BARX2: variants seen among roughly 807,000 people sequenced by gnomAD.
BARX2 encodes the protein homeobox protein BarH-like 2.
In BARX2, 11 loss-of-function variants were observed where a neutral mutation model predicts 25.5. The ratio of observed to expected loss-of-function variants is 0.43; its 90% CI spans 0.27 to 0.71. The LOEUF is 0.71. Ranked by LOEUF, BARX2 falls within the 30% of genes least tolerant of loss-of-function variation. The pLI is 0.19. For synonymous variants in BARX2, 137 were observed against 149.5 expected (o/e 0.92, Z 0.61); for missense variants, 360 against 359.9 (o/e 1.00, Z 0.00).
chr11:129,440,321 C>G (rs938806027), intron 2 of BARX2, among the ~76,000 whole-genome samples: 7 of 152,262 alleles, frequency 4.6e-5, no homozygotes, highest in Non-Finnish European at 1.0e-4. Context: ...AATGCAGTTG[C>G]AGAGCTGTGA....
chr11:129,446,505 T>C (rs1223505098), intron 3 of BARX2, among the ~76,000 whole-genome samples: 1 of 152,168 alleles, frequency 6.6e-6, no homozygotes, highest in African/African-American at 2.4e-5. Context: ...AACACGTAAA[T>C]AGGACCTGCC....
rs553829034 is a variant in BARX2 at position 129,434,943 on chromosome 11, A to G, written c.188-1808A>G. On this transcript the variant is annotated intron_variant, in intron 1 of 3. Coordinates refer to ENST00000281437, the MANE Select transcript of BARX2 (RefSeq NM_003658.5). The stretch of plus-strand genomic sequence containing the variant: ...AAAGGTGATACAAAGCCTTCCTTAC[A>G]GGTGGATTGTTAGTCATTTCCTATA... Among the ~76,000 whole-genome samples the G allele has an allele frequency of 9.8e-5, 15 of 152,368 alleles. No homozygotes were observed. In the South Asian group the frequency reaches 3.1e-3, roughly 32 times the overall value.
intron 3 of BARX2, among the ~76,000 whole-genome samples, chr11:129,444,226 G>GA (rs1164667307): frequency 9.8e-5 from 14 of 143,518 alleles, no homozygotes; most frequent in Non-Finnish European, 1.2e-4. Context: ...ACAATGAGGA[G>GA]AAAAAAAAAA....
intron 1 of BARX2, among the ~76,000 whole-genome samples, chr11:129,401,955 C>CAA (rs397825103): frequency 1.1e-4 from 12 of 104,720 alleles, no homozygotes; most frequent in South Asian, 8.8e-4. Flanking sequence ...GACTCTGTCT[C>CAA]AAAAAAAAAA....
chr11:129,394,935 ATT>A (rs33959182), intron 1 of BARX2, among the ~76,000 whole-genome samples: 3 of 144,790 alleles, frequency 2.1e-5, no homozygotes, highest in Non-Finnish European at 3.0e-5. Flanking sequence ...TCCACTCAGC[ATT>A]TTTTTTTTTT....
At chr11:129,382,599 A>G (rs1473157345) in intron 1 of BARX2, among the ~76,000 whole-genome samples, 1 of 151,070 alleles carries the variant, frequency 6.6e-6, no homozygotes, top group Non-Finnish European at 1.5e-5. Context: ...GTCTATGGCT[A>G]AGCCCATTGA....
intron 1 of BARX2, among the ~76,000 whole-genome samples, chr11:129,388,294 G>A (rs1456659327): frequency 1.3e-5 from 2 of 152,072 alleles, no homozygotes; most frequent in Non-Finnish European, 2.9e-5. Flanking sequence ...TCCAAGAGGC[G>A]GTGGGGTTTT....
intron 1 of BARX2, among the ~76,000 whole-genome samples, chr11:129,391,157 A>G (rs1861662171): frequency 6.6e-6 from 1 of 152,178 alleles, no homozygotes; most frequent in African/African-American, 2.4e-5. Flanking sequence ...GTTTCCACAG[A>G]AAGCTAGACC....
intron 2 of BARX2, among the ~76,000 whole-genome samples, chr11:129,442,550 AG>A (rs1363550598): frequency 1.3e-5 from 2 of 152,218 alleles, no homozygotes; most frequent in Non-Finnish European, 2.9e-5. Context: ...TGTGATGAGA[AG>A]CCCCAGGCAT....
At chr11:129,426,234 AG>A in intron 1 of BARX2, among the ~76,000 whole-genome samples, 1 of 152,094 alleles carries the variant, frequency 6.6e-6, no homozygotes, top group African/African-American at 2.4e-5. Context: ...CCTCTCTCCT[AG>A]GCTTACAGAT....
At chr11:129,403,886 A>G (rs1221051106) in intron 1 of BARX2, among the ~76,000 whole-genome samples, 1 of 152,068 alleles carries the variant, frequency 6.6e-6, no homozygotes, top group Non-Finnish European at 1.5e-5. Flanking sequence ...TGCCATGCCC[A>G]GCTAATTTTT....
At chr11:129,446,111 T>A (rs920025851) in intron 3 of BARX2, among the ~76,000 whole-genome samples, 1 of 152,130 alleles carries the variant, frequency 6.6e-6, no homozygotes, top group Non-Finnish European at 1.5e-5. Context: ...ATCTTGCATA[T>A]TTAAGATGGG....
intron 1 of BARX2, among the ~76,000 whole-genome samples, chr11:129,397,455 C>G (rs1861731774): frequency 6.6e-6 from 1 of 152,110 alleles, no homozygotes; most frequent in Admixed American, 6.6e-5. Context: ...ACAAGTTTAT[C>G]AAATACTTAG....
At chr11:129,439,206 C>T (rs1006985250) in intron 2 of BARX2, among the ~76,000 whole-genome samples, 1 of 152,042 alleles carries the variant, frequency 6.6e-6, no homozygotes, top group Non-Finnish European at 1.5e-5. Flanking sequence ...GGAGAGAATC[C>T]AGTGATCATC....
At chr11:129,410,318 T>C (rs1318878254) in intron 1 of BARX2, among the ~76,000 whole-genome samples, 2 of 152,268 alleles carry the variant, frequency 1.3e-5, no homozygotes, top group African/African-American at 2.4e-5. Context: ...GTTTCCTTTT[T>C]GAAATCACAT....
At position 129,451,280 on chromosome 11, in the gene BARX2, C is replaced by T; in HGVS notation, c.718C>T (p.Gln240Ter). The change falls in exon 4 of 4, where the codon CAG (glutamine) becomes TAG (stop). Residue 240 changes from glutamine to a stop codon, truncating the protein, a stop_gained. Transcript: ENST00000281437. LOFTEE classifies it low-confidence loss of function (END_TRUNC). ...GQEQLEPSQG[Q>*]EELCEAQEPK... ...GGAGCAGCTGGAGCCCTCTCAGGGG[C>T]AGGAGGAGCTCTGTGAAGCACAGGA... 3 of 1,614,162 alleles carry T rather than the reference C, an allele frequency of 1.9e-6. No individual in the cohort carries two copies. Among genetic ancestry groups the T allele is most frequent in the Non-Finnish European group, 2.5e-6 (3 of 1,180,036 alleles).
At position 129,436,625 on chromosome 11, in the gene BARX2, A is replaced by G. The variant is rs768661147; in HGVS notation, c.188-126A>G. 85 of 1,067,050 alleles carry G rather than the reference A, an allele frequency of 8.0e-5. No homozygotes were observed. Among genetic ancestry groups the G allele is most frequent in the Non-Finnish European group, 1.1e-4 (81 of 746,094 alleles). 66.1% of individuals were successfully genotyped at this position (1,067,050 alleles called of 1,614,324 possible). ...AGTTACCTCTCCTTCCCCTTCCTCC[A>G]TCTGTACCTCCTTAAGAGCAGGGCC... On this transcript the variant is annotated intron_variant, in intron 1 of 3. Coordinates refer to ENST00000281437, the MANE Select transcript of BARX2 (RefSeq NM_003658.5). This position sits in a 1 kb window ranked among gnomAD's most constrained non-coding sequence, Gnocchi z 4.5.
At chr11:129,399,923 G>T (rs1368563692) in intron 1 of BARX2, among the ~76,000 whole-genome samples, 1 of 152,128 alleles carries the variant, frequency 6.6e-6, no homozygotes, top group Non-Finnish European at 1.5e-5. Flanking sequence ...GTTTTAGCTA[G>T]TCCTCAACTT....
intron 1 of BARX2, among the ~76,000 whole-genome samples, chr11:129,401,470 T>G (rs1425934601): frequency 2.6e-5 from 4 of 152,188 alleles, no homozygotes; most frequent in Non-Finnish European, 5.9e-5. Context: ...CTTCAATAAT[T>G]TAATCATGCA....
Sources: gnomAD v4.1 joint callset for allele counts (sites outside exome capture counted in the v4.1 genomes callset) on GRCh38, gnomAD v4.1.1 for gene constraint, Gnocchi (gnomAD v3.1) non-coding constraint, MANE v1.5 for transcripts, NCBI Gene and HGNC (gene_info 2026-07-23, HGNC 2026-07-21) for gene names.